ZNF45: variants seen among roughly 807,000 people sequenced by gnomAD.
The protein encoded by ZNF45 is BRC1744.
In ZNF45, 4 loss-of-function variants were observed where a neutral mutation model predicts 12.0. The ratio of observed to expected loss-of-function variants is 0.33; its 90% CI spans 0.16 to 0.76. ZNF45 has a LOEUF of 0.76. Among genes scored for constraint, ZNF45 ranks in the 30% least tolerant of loss-of-function variants. The pLI, the probability that ZNF45 is intolerant of heterozygous loss-of-function variation, is 0.60. For synonymous variants in ZNF45, 272 were observed against 279.6 expected (o/e 0.97, Z 0.27); for missense variants, 700 against 813.0 (o/e 0.86, Z 1.69).
At position 43,922,829 on chromosome 19, in the gene ZNF45, T is replaced by TTG. The variant is rs1189408337; in HGVS notation, c.-32-613_-32-612insCA. ...TACCAATAAATTCTTTGTTTTTTTT[T>TTG]TTTTTTTTTTTTTTGAGAGAGGGTC... On this transcript the variant is annotated intron_variant, in intron 6 of 9. Coordinates refer to ENST00000269973, the MANE Select transcript of ZNF45 (RefSeq NM_003425.4). Among the ~76,000 whole-genome samples, 30 of 141,440 alleles carry TTG rather than the reference T, an allele frequency of 2.1e-4. No individual in the cohort carries two copies. The East Asian group carries it at 4.8e-3, about 23-fold the overall frequency. 92.8% of individuals were successfully genotyped at this position (141,440 alleles called of 152,430 possible).
intron 9 of ZNF45, among the ~76,000 whole-genome samples, chr19:43,916,553 A>AT (rs949100452): frequency 2.0e-5 from 3 of 152,144 alleles, no homozygotes; most frequent in African/African-American, 7.2e-5. Flanking sequence ...GTCCCTTATT[A>AT]TTTTTTATGT....
intron 3 of ZNF45, chr19:43,932,304 C>A (rs1443822967): frequency 1.3e-5 from 2 of 152,310 alleles, no homozygotes; most frequent in Non-Finnish European, 2.9e-5. Flanking sequence ...CCACTGCACT[C>A]CAGCCTGGGT....
chr19:43,931,186 GAATTA>G (rs2147210177), intron 3 of ZNF45: 1 of 152,230 alleles, frequency 6.6e-6, no homozygotes, highest in African/African-American at 2.4e-5. Context: ...ATATGTAACA[GAATTA>G]AAGTATCCAT....
rs200912684 is a variant in ZNF45 at position 43,922,192 on chromosome 19, C to G, written c.-7G>C. On this transcript the variant is annotated 5_prime_UTR_variant, in exon 7 of 10. Transcript: ENST00000269973. ...TCACCTTAGACTTCGTCATTTTGTC[C>G]TCCTCCTTCTGGAGAAGTGCCAAGT... 6.2e-7 allele frequency: 1 copy of G among 1,607,654 alleles called. No individual in the cohort carries two copies. Among genetic ancestry groups the G allele is most frequent in the African/African-American group, 1.3e-5 (1 of 74,728 alleles).
chr19:43,922,287 A>G (rs1973252404), intron 6 of ZNF45, 70 bp from the exon 7 acceptor site: 2 of 1,108,562 alleles, frequency 1.8e-6, no homozygotes, highest in Non-Finnish European at 2.5e-6. Context: ...AAAAAAAACC[A>G]TAGCTGTTTT....
chr19:43,914,434 G>C lies in ZNF45; in HGVS notation c.1002C>G (p.Cys334Trp). 9 of 1,609,972 alleles carry C rather than the reference G, an allele frequency of 5.6e-6. No individual in the cohort carries two copies. The highest frequency in any genetic ancestry group is 5.9e-6 in the Non-Finnish European group (7 of 1,177,706). ...AACTAAAGCTCTTGCCACATGCATT[G>C]CATTTGTATGGTTTCTCGCCAGTGT... The part of the protein sequence containing the change: ...RIHTGEKPYK[C>W]NACGKSFSYS... The change falls in exon 10 of 10, where the codon TGC becomes TGG. Residue 334 changes from cysteine to tryptophan, a missense_variant. Physicochemically the swap from Cys to Trp is radical, Grantham distance 215. Transcript: ENST00000269973.
At chr19:43,922,064 C>T in intron 7 of ZNF45, 107 bp downstream of exon 7, 1 of 1,194,506 alleles carries the variant, frequency 8.4e-7, no homozygotes, top group Admixed American at 2.2e-5. Flanking sequence ...AAGAGGTTCT[C>T]AAATGTCTAC....
chr19:43,913,835 CCA>C lies in ZNF45; in HGVS notation c.1599_1600del (p.Cys533TrpfsTer26). 6.2e-7 allele frequency: 1 copy of C among 1,613,968 alleles called. No individual in the cohort carries two copies. Among genetic ancestry groups the C allele is most frequent in the Non-Finnish European group, 8.5e-7 (1 of 1,179,966 alleles). ...CTGTGAACCTACACTGAAGCCCTTCCCACACTCTGCACACTGATATGGTTTCT... is the reference window on the plus strand; with the variant it reads ...CTGTGAACCTACACTGAAGCCCTTCCCACTCTGCACACTGATATGGTTTCT... On this transcript the variant is annotated frameshift_variant, in exon 10 of 10. Coordinates refer to ENST00000269973, the MANE Select transcript of ZNF45 (RefSeq NM_003425.4). LOFTEE classifies it low-confidence loss of function (END_TRUNC).
In ZNF45 at chr19:43,914,745, G is replaced by A; in HGVS notation, c.691C>T (p.Gln231Ter). 1.2e-6 allele frequency: 2 copies of A among 1,614,106 alleles called. No individual in the cohort carries two copies. Among genetic ancestry groups the A allele is most frequent in the Non-Finnish European group, 8.5e-7 (1 of 1,180,032 alleles). The change falls in exon 10 of 10, where the codon CAG becomes TAG. Residue 231 changes from glutamine (Q) to a stop codon, truncating the protein, a stop_gained. Coordinates refer to ENST00000269973, the MANE Select transcript of ZNF45 (RefSeq NM_003425.4). LOFTEE classifies it low-confidence loss of function (END_TRUNC). ...TNDASYRSFSQRSHLPHHQRV... is the reference protein window; with the variant it reads ...TNDASYRSFS ...TGATGATGGGGAAGATGTGACCTCTGACTAAAACTCCTGTAACTTGCATCA... is the reference window on the plus strand; with the variant it reads ...TGATGATGGGGAAGATGTGACCTCTAACTAAAACTCCTGTAACTTGCATCA...
At chr19:43,920,539 G>T (rs866394259) in intron 7 of ZNF45, among the ~76,000 whole-genome samples, 5 of 136,146 alleles carry the variant, frequency 3.7e-5, no homozygotes, top group African/African-American at 5.5e-5. Context: ...GCCGGGTGGG[G>T]GGGGGGGGCA....
rs190170408 is a variant in ZNF45, at chr19:43,916,343, T to C, written c.236-1143A>G. Among the ~76,000 whole-genome samples, 714 of 152,192 alleles carry C rather than the reference T, an allele frequency of 4.7e-3. 10 individuals carry two copies. Among genetic ancestry groups the C allele is most frequent in the South Asian group, 0.028 (136 of 4,818 alleles). ...CTTGCCTAGGCTGGTCTCAAGCTCC[T>C]GAGCTCAAGCTATCCACCTGCCTCA... On this transcript the variant is annotated intron_variant, in intron 9 of 9. Coordinates refer to ENST00000269973, the MANE Select transcript of ZNF45 (RefSeq NM_003425.4).
chr19:43,921,330 G>A (rs1303319202), intron 7 of ZNF45, among the ~76,000 whole-genome samples: 1 of 152,166 alleles, frequency 6.6e-6, no homozygotes, highest in Non-Finnish European at 1.5e-5. Flanking sequence ...AAGTCCTCTT[G>A]TACTGCTAGA....
In ZNF45 at chr19:43,913,766, T is replaced by G; in HGVS notation, c.1670A>C (p.Gln557Pro). The G allele has an allele frequency of 1.2e-6, 2 of 1,614,070 alleles. No individual in the cohort carries two copies. The highest frequency in any genetic ancestry group is 1.7e-6 in the Non-Finnish European group (2 of 1,179,994). Residue 557 changes from glutamine (Q) to proline (P), a missense_variant, in exon 10 of 10, where the codon CAA becomes CCA. Transcript: ENST00000269973. ...QRCHTGEKPY[Q>P]CEECGKGFCR... is the part of the protein sequence containing the mutation. Reference sequence around the variant, plus strand: ...GAAGCCCTTCCCACACTCCTCACATTGATAGGGTTTCTCTCCAGTGTGGCA... The same window carrying G: ...GAAGCCCTTCCCACACTCCTCACATGGATAGGGTTTCTCTCCAGTGTGGCA...
chr19:43,927,750 A>T (rs1056926811), intron 3 of ZNF45, among the ~76,000 whole-genome samples: 4 of 151,946 alleles, frequency 2.6e-5, no homozygotes, highest in African/African-American at 9.6e-5. Context: ...AACATAGAAA[A>T]TTTTTTTTTG....
In ZNF45 at chr19:43,914,166, C is replaced by G; in HGVS notation, c.1270G>C (p.Gly424Arg). Residue 424 changes from glycine (G) to arginine (R), a missense_variant, in exon 10 of 10, where the codon GGC becomes CGC. Coordinates refer to ENST00000269973, the MANE Select transcript of ZNF45 (RefSeq NM_003425.4). ...KPYQCDACGKGFSRSSDFNIH... is the reference protein window; with the variant it reads ...KPYQCDACGKRFSRSSDFNIH... ...TTAAAATCTGAGCTACGACTGAAGC[C>G]CTTACCACATGCATCACACTGATAC... 1 of 1,608,358 alleles carries G rather than the reference C, an allele frequency of 6.2e-7. No individual in the cohort carries two copies. Among genetic ancestry groups the G allele is most frequent in the Non-Finnish European group, 8.5e-7 (1 of 1,175,754 alleles).
At chr19:43,928,013 T>TAA (rs924353997) in intron 3 of ZNF45, among the ~76,000 whole-genome samples, 1 of 145,070 alleles carries the variant, frequency 6.9e-6, no homozygotes, top group Non-Finnish European at 1.5e-5. Context: ...TGTCTCTACT[T>TAA]AAAAAAAAAA....
At chr19:43,916,842 A>T (rs2098655983) in intron 9 of ZNF45, among the ~76,000 whole-genome samples, 1 of 152,180 alleles carries the variant, frequency 6.6e-6, no homozygotes, top group Non-Finnish European at 1.5e-5. Flanking sequence ...GATGGTGCTG[A>T]TAAGAAAATC....
At position 43,922,215 on chromosome 19, in the gene ZNF45, A is replaced by C. The variant is rs113258371; in HGVS notation, c.-30T>G. ...TCCTCCTCCTTCTGGAGAAGTGCCA[A>C]GTCTTAAGAGGGAAGGAGAAAACAT... On this transcript the variant is annotated splice_region_variant and 5_prime_UTR_variant, in exon 7 of 10. Transcript: ENST00000269973. 1.4e-5 allele frequency: 22 copies of C among 1,599,594 alleles called. No individual in the cohort carries two copies. The East Asian group carries it at 3.3e-4, about 24-fold the overall frequency.
At chr19:43,923,099 T>C (rs974038434) in intron 6 of ZNF45, among the ~76,000 whole-genome samples, 4 of 152,184 alleles carry the variant, frequency 2.6e-5, no homozygotes, top group Non-Finnish European at 5.9e-5. Flanking sequence ...GTGCTGGGAT[T>C]ACAGGTGTGA....
Sources: gnomAD v4.1 joint callset for allele counts (sites outside exome capture counted in the v4.1 genomes callset) on GRCh38, gnomAD v4.1.1 for gene constraint, MANE v1.5 for transcripts, NCBI Gene and HGNC (gene_info 2026-07-23, HGNC 2026-07-21) for gene names.